The following NDRG1 variants were observed in gnomAD, a reference collection of about 807,000 sequenced individuals.
The protein encoded by NDRG1 is N-myc downstream regulated 1.
In NDRG1, 32 loss-of-function variants were observed where a neutral mutation model predicts 56.9. The ratio of observed to expected loss-of-function variants is 0.56; its 90% CI spans 0.42 to 0.76. The LOEUF (loss-of-function observed/expected upper bound fraction) is 0.76, where lower values mean the gene tolerates loss of function less well. NDRG1 is among the 30% of genes least tolerant of loss of function. NDRG1 has a pLI of 0.00. For missense variants in NDRG1, 507 were observed against 545.7 expected, an observed-to-expected ratio of 0.93 and a Z score of 0.71; for synonymous variants, 211 against 204.1, an observed-to-expected ratio of 1.03 and a Z score of -0.29.
chr8:133,240,100 G>C (rs1331118878), intron 15 of NDRG1: 5 of 152,250 alleles, frequency 3.3e-5, no homozygotes, highest in Admixed American at 3.3e-4. Context: ...TTCTTCCACA[G>C]CAGCGTTGGA....
rs1855133117 is a variant in NDRG1, at chr8:133,237,693, C to CA, written c.*1184dup. On this transcript the variant is annotated 3_prime_UTR_variant, in exon 16 of 16. Coordinates refer to ENST00000323851, the MANE Select transcript of NDRG1 (RefSeq NM_006096.4). ...AGCCACCGCTCCCCACGTGAGTTCC[C>CA]ACCCCCACCCCGACAAGAGCAAAGA... 1 of 230,018 alleles carries CA rather than the reference C, an allele frequency of 4.3e-6. No individual in the cohort carries two copies. Among genetic ancestry groups the CA allele is most frequent in the Non-Finnish European group, 8.6e-6 (1 of 116,296 alleles). 14.2% of individuals were successfully genotyped at this position (230,018 alleles called of 1,614,324 possible). A position where few individuals can be genotyped will look rare whatever the true frequency, so the allele number is the denominator to read the frequency against.
intron 3 of NDRG1, among the ~76,000 whole-genome samples, chr8:133,270,924 C>G (rs749395485): frequency 3.9e-5 from 6 of 152,200 alleles, no homozygotes; most frequent in Non-Finnish European, 7.3e-5. Flanking sequence ...TTAAGATGCT[C>G]CCAAGACTAA....
intron 3 of NDRG1, among the ~76,000 whole-genome samples, chr8:133,277,854 C>G (rs1857545336): frequency 6.6e-6 from 1 of 152,178 alleles, no homozygotes; most frequent in African/African-American, 2.4e-5. Flanking sequence ...AAGCCTGGAG[C>G]ACTGTCTCCA....
intron 1 of NDRG1, among the ~76,000 whole-genome samples, chr8:133,285,110 G>C (rs1158183630): frequency 6.6e-6 from 1 of 152,186 alleles, no homozygotes; most frequent in Non-Finnish European, 1.5e-5. Flanking sequence ...AGCCCAGGAA[G>C]ACTTGGAATG....
At chr8:133,261,823 A>G (rs1856672800) in intron 5 of NDRG1, among the ~76,000 whole-genome samples, 1 of 152,244 alleles carries the variant, frequency 6.6e-6, no homozygotes, top group African/African-American at 2.4e-5. Context: ...ACGGCTGCAC[A>G]ACAATGTCTG....
chr8:133,276,659 C>T (rs752444715), intron 3 of NDRG1, among the ~76,000 whole-genome samples: 16 of 152,228 alleles, frequency 1.1e-4, no homozygotes, highest in Admixed American at 3.9e-4. Flanking sequence ...TCTTGCCTGC[C>T]GCCATGTAAG....
At chr8:133,263,673 T>C (rs1372932531) in intron 4 of NDRG1, among the ~76,000 whole-genome samples, 2 of 152,074 alleles carry the variant, frequency 1.3e-5, no homozygotes, top group African/African-American at 2.4e-5. Flanking sequence ...CCCAGCACTT[T>C]GGGAGGTGGA....
intron 3 of NDRG1, among the ~76,000 whole-genome samples, chr8:133,278,677 A>C (rs1379597555): frequency 1.3e-5 from 2 of 152,010 alleles, no homozygotes; most frequent in Non-Finnish European, 2.9e-5. Flanking sequence ...TTATCATGAG[A>C]TATTGAGGCA....
chr8:133,286,980 T>C (rs1858153007), intron 1 of NDRG1, among the ~76,000 whole-genome samples: 1 of 152,130 alleles, frequency 6.6e-6, no homozygotes, highest in South Asian at 2.1e-4. Flanking sequence ...AGCCAGCTGC[T>C]GGCGGTCCAC....
rs756183850 is a variant in NDRG1 at position 133,257,316 on chromosome 8, C to CACACACAG, written c.451-454_451-453insCTGTGTGT. Among the ~76,000 whole-genome samples, 923 of 129,690 alleles carry CACACACAG rather than the reference C, an allele frequency of 7.1e-3. 8 individuals are homozygous for CACACACAG. The highest frequency in any genetic ancestry group is 0.038 in the South Asian group (148 of 3,922). The allele number at this position is 129,690 out of a possible 152,430, so 85.1% of individuals were successfully genotyped here. ...ACACACACACACACACACACACACA[C>CACACACAG]AGAGAGAGAGACAGAGTTATGCATC... On this transcript the variant is annotated intron_variant, in intron 7 of 15. Transcript: ENST00000323851.
chr8:133,284,993 G>T, intron 1 of NDRG1: 2 of 382,538 alleles, frequency 5.2e-6, no homozygotes, highest in Non-Finnish European at 1.1e-5. Context: ...GACCTCCAAG[G>T]CAGAAAGCAC....
chr8:133,254,933 T>C (rs1388637935), intron 8 of NDRG1: 2 of 371,750 alleles, frequency 5.4e-6, no homozygotes, highest in Non-Finnish European at 1.0e-5. Flanking sequence ...GGGCCATCCA[T>C]TCACCTCTTC....
intron 15 of NDRG1, 113 bp downstream of exon 15, chr8:133,241,910 C>G (rs1855403539): frequency 1.6e-6 from 2 of 1,273,298 alleles, no homozygotes; most frequent in East Asian, 4.6e-5. Flanking sequence ...TCCCAGAAAG[C>G]TGAAGCTGGC....
At chr8:133,275,115 T>G (rs1022418634) in intron 3 of NDRG1, among the ~76,000 whole-genome samples, 6 of 152,112 alleles carry the variant, frequency 3.9e-5, no homozygotes, top group Non-Finnish European at 8.8e-5. Flanking sequence ...CTGGAACCCA[T>G]CAGGCCCCAG....
At chr8:133,274,957 C>T (rs1363887376) in intron 3 of NDRG1, among the ~76,000 whole-genome samples, 2 of 152,220 alleles carry the variant, frequency 1.3e-5, no homozygotes, top group Admixed American at 1.3e-4. Flanking sequence ...CATCAGAGGA[C>T]ACTGAAGTGC....
intron 14 of NDRG1, among the ~76,000 whole-genome samples, chr8:133,242,996 G>A (rs1334265096): frequency 6.6e-6 from 1 of 152,190 alleles, no homozygotes; most frequent in Non-Finnish European, 1.5e-5. Context: ...TTCATTTAAT[G>A]TAAACTTGGA....
intron 1 of NDRG1, among the ~76,000 whole-genome samples, chr8:133,291,361 A>G (rs532459158): frequency 6.6e-6 from 1 of 152,266 alleles, no homozygotes; most frequent in Non-Finnish European, 1.5e-5. Flanking sequence ...CCTGAACCTC[A>G]AGGAAAACCA....
rs1443487232 is a variant in NDRG1, at chr8:133,262,187, G to C, written c.206-20C>G. 24 of 1,614,016 alleles carry C rather than the reference G, an allele frequency of 1.5e-5. No individual in the cohort carries two copies. Among genetic ancestry groups the C allele is most frequent in the Non-Finnish European group, 2.0e-5 (24 of 1,179,994 alleles). ...TTTTGTCTGAAGAACAGCAGTGAGG[G>C]AGAGAAGAGAAAAAAGTAAGATGAG... On this transcript the variant is annotated intron_variant, in intron 4 of 15. Coordinates refer to ENST00000323851, the MANE Select transcript of NDRG1 (RefSeq NM_006096.4).
At chr8:133,253,683 C>T (rs1856199997) in intron 9 of NDRG1, among the ~76,000 whole-genome samples, 1 of 152,170 alleles carries the variant, frequency 6.6e-6, no homozygotes, top group Non-Finnish European at 1.5e-5. Context: ...GAATACTTCT[C>T]AGCACTAAAA....
Sources: allele counts gnomAD v4.1 joint callset (sites outside exome capture counted in the v4.1 genomes callset), GRCh38; gene constraint gnomAD v4.1.1; transcripts MANE v1.5; gene names NCBI Gene and HGNC (gene_info 2026-07-23, HGNC 2026-07-21).